The following PPP1R27 variants were observed in gnomAD, a reference collection of about 807,000 sequenced individuals.
The protein encoded by PPP1R27 is protein phosphatase 1 regulatory subunit 27, also known as dysferlin interacting protein 1.
In PPP1R27, 10 loss-of-function variants were observed where a neutral mutation model predicts 12.0. The ratio of observed to expected loss-of-function variants is 0.84; its 90% confidence interval spans 0.52 to 1.42. The LOEUF is 1.42. PPP1R27 is among the 40% of genes most tolerant of loss of function. The pLI is 0.00. For missense variants in PPP1R27, 246 were observed against 215.3 expected (o/e 1.14, Z -0.89); for synonymous variants, 98 against 89.3 (o/e 1.10, Z -0.55).
chr17:81,833,505 C>T lies in PPP1R27; in HGVS notation c.*224G>A. 1.9e-6 allele frequency: 1 copy of T among 534,002 alleles called. No homozygotes were observed. The highest frequency in any genetic ancestry group is 2.1e-5 in the South Asian group (1 of 46,818). The allele number at this position is 534,002 out of a possible 1,614,324, so 33.1% of individuals were successfully genotyped here. On this transcript the variant is annotated 3_prime_UTR_variant, in exon 3 of 3. Coordinates refer to ENST00000330261, the MANE Select transcript of PPP1R27 (RefSeq NM_001007533.4). ...CCACCACAGGGACCACGTGTGTAGA[C>T]CCAGGCCCCCTCACCTGGGAGTCAC... is the stretch of plus-strand genomic sequence containing the variant.
intron 2 of PPP1R27, 65 bp downstream of exon 2, chr17:81,834,438 C>A: frequency 6.4e-7 from 1 of 1,569,898 alleles, no homozygotes; most frequent in Non-Finnish European, 8.7e-7. Context: ...GGGCTCCCAT[C>A]CTGGGGACCC....
chr17:81,834,556 CGCCTCATCTCGCTGGTGAATGTCA>C lies in PPP1R27; in HGVS notation c.264_287del (p.Asp89_Ala96del). ...AGGCAATGTGCAGGGGTGTCCAGCC[CGCCTCATCTCGCTGGTGAATGTCA>C]GCCCCGTATTTGACCAGCAGCTTCA... On this transcript the variant is annotated inframe_deletion, in exon 2 of 3. Coordinates refer to ENST00000330261, the MANE Select transcript of PPP1R27 (RefSeq NM_001007533.4). The C allele has an allele frequency of 6.2e-7, 1 of 1,614,184 alleles. No individual in the cohort carries two copies. Among genetic ancestry groups the C allele is most frequent in the Non-Finnish European group, 8.5e-7 (1 of 1,180,024 alleles).
Position 81,834,309 on chromosome 17 carries a change from C to T in PPP1R27, c.341+194G>A, listed in dbSNP as rs1010311670. 3 of 607,370 alleles carry T rather than the reference C, an allele frequency of 4.9e-6. No individual in the cohort carries two copies. The African/African-American group carries it at 5.5e-5, about 11-fold the overall frequency. The allele number at this position is 607,370 out of a possible 1,614,324, so 37.6% of individuals were successfully genotyped here. A position where few individuals can be genotyped will look rare whatever the true frequency, so the allele number is the denominator to read the frequency against. ...AGTGAGAGGGTTCTTGTCACGAACT[C>T]CTGACCTCAGGTGATCCGCCCACCT... On this transcript the variant is annotated intron_variant, in intron 2 of 2. Transcript: ENST00000330261.
At chr17:81,833,994 A>C (rs2038578860) in intron 2 of PPP1R27, 142 bp from the exon 3 acceptor site, 1 of 913,428 alleles carries the variant, frequency 1.1e-6, no homozygotes, top group African/African-American at 1.7e-5. Flanking sequence ...GGTGAGGAGG[A>C]AGAAACCTGA....
Position 81,833,869 on chromosome 17 carries a change from G to A in PPP1R27, c.342-17C>T, listed in dbSNP as rs1409463800. Reference sequence around the variant, plus strand: ...ATAAGGTACCTGGGGTGTAAAGGTCGCTCTGGCTGAAGCGGGGAGGAGCCA... The same window carrying A: ...ATAAGGTACCTGGGGTGTAAAGGTCACTCTGGCTGAAGCGGGGAGGAGCCA... On this transcript the variant is annotated splice_polypyrimidine_tract_variant and intron_variant, in intron 2 of 2. Transcript: ENST00000330261. The A allele has an allele frequency of 6.3e-7, 1 of 1,594,490 alleles. No homozygotes were observed. Among genetic ancestry groups the A allele is most frequent in the Non-Finnish European group, 8.5e-7 (1 of 1,171,098 alleles).
chr17:81,834,958 G>A lies in PPP1R27; in HGVS notation c.-5C>T. On this transcript the variant is annotated 5_prime_UTR_variant, in exon 1 of 3. Coordinates refer to ENST00000330261, the MANE Select transcript of PPP1R27 (RefSeq NM_001007533.4). ...GCGGGCAGTTCTGCTAGGCATCTTG[G>A]GCGCTGTGGGGCAGGTTGCCCCTGG... 6.3e-7 allele frequency: 1 copy of A among 1,591,250 alleles called. No homozygotes were observed. Among genetic ancestry groups the A allele is most frequent in the Non-Finnish European group, 8.6e-7 (1 of 1,169,584 alleles).
chr17:81,834,808 A>C lies in PPP1R27; in HGVS notation c.146T>G (p.Phe49Cys). ...RQGDLEQVGR[F>C]IRTRKVSLAT... is the part of the protein sequence containing the mutation. Reference sequence around the variant, plus strand: ...CAGGGAGACTTTCCGAGTCCGGATGAAGCGCCCCACCTGCTCCAGGTCACC... The same window carrying C: ...CAGGGAGACTTTCCGAGTCCGGATGCAGCGCCCCACCTGCTCCAGGTCACC... Residue 49 changes from phenylalanine (F) to cysteine (C), a missense_variant, in exon 1 of 3, where the codon TTC becomes TGC. Phe to Cys is a radical substitution (Grantham distance 205). Transcript: ENST00000330261. 3.1e-6 allele frequency: 5 copies of C among 1,613,536 alleles called. No individual in the cohort carries two copies. Among genetic ancestry groups the C allele is most frequent in the Non-Finnish European group, 4.2e-6 (5 of 1,179,798 alleles).
chr17:81,834,286 T>C (rs1444040117), intron 2 of PPP1R27: 1 of 563,276 alleles, frequency 1.8e-6, no homozygotes. Flanking sequence ...TTTTTAGTAG[T>C]GAGAGGGTTC....
At position 81,834,543 on chromosome 17, in the gene PPP1R27, G is replaced by C; in HGVS notation, c.301C>G (p.Leu101Val). The C allele has an allele frequency of 1.2e-6, 2 of 1,614,174 alleles. No individual in the cohort carries two copies. The highest frequency in any genetic ancestry group is 1.7e-6 in the Non-Finnish European group (2 of 1,180,022). The change falls in exon 2 of 3, where the codon CTG (leucine) becomes GTG (valine). Residue 101 changes from leucine to valine, a missense_variant. By Grantham distance (32) the Leu-to-Val change is conservative. Coordinates refer to ENST00000330261, the MANE Select transcript of PPP1R27 (RefSeq NM_001007533.4). ...TACCCATCGCTGCAGGCAATGTGCA[G>C]GGGTGTCCAGCCCGCCTCATCTCGC... ...HQRDEAGWTPLHIACSDGYPD... is the reference protein window; with the variant it reads ...HQRDEAGWTPVHIACSDGYPD...
chr17:81,834,912 C>A lies in PPP1R27; in HGVS notation c.42G>T (p.Arg14=). The A allele has an allele frequency of 6.2e-7, 1 of 1,612,336 alleles. No individual in the cohort carries two copies. Among genetic ancestry groups the A allele is most frequent in the Non-Finnish European group, 8.5e-7 (1 of 1,179,590 alleles). ...RTARYARYSP[R]QRRRRMLADR... ...CAGCCAGCATCCGCCGCCGCCGCTG[C>A]CGTGGGCTGTAGCGGGCATAGCGGG... Residue 14 remains arginine (R), a synonymous_variant, in exon 1 of 3, where the codon CGG becomes CGT. Transcript: ENST00000330261.
At position 81,834,574 on chromosome 17, in the gene PPP1R27, A is replaced by C; in HGVS notation, c.270T>G (p.Ile90Met). 2 of 1,614,158 alleles carry C rather than the reference A, an allele frequency of 1.2e-6. No homozygotes were observed. Among genetic ancestry groups the C allele is most frequent in the East Asian group, 4.5e-5 (2 of 44,878 alleles). Residue 90 changes from isoleucine (I) to methionine (M), a missense_variant, in exon 2 of 3, where the codon ATT (isoleucine) becomes ATG (methionine). Transcript: ENST00000330261. ...VKLLVKYGAD[I>M]HQRDEAGWTP... ...TCCAGCCCGCCTCATCTCGCTGGTG[A>C]ATGTCAGCCCCGTATTTGACCAGCA...
rs894750229 is a variant in PPP1R27 at position 81,834,773 on chromosome 17, G to C, written c.181C>G (p.His61Asp). 1 of 1,612,190 alleles carries C rather than the reference G, an allele frequency of 6.2e-7. No homozygotes were observed. The highest frequency in any genetic ancestry group is 1.3e-5 in the African/African-American group (1 of 74,936). Reference sequence around the variant, plus strand: ...TCCAGGCTTTGCTCACCTGAGGGGTGGATGGTGGCCAGGGAGACTTTCCGA... The same window carrying C: ...TCCAGGCTTTGCTCACCTGAGGGGTCGATGGTGGCCAGGGAGACTTTCCGA... ...RTRKVSLATI[H>D]PSGLAALHEA... Residue 61 changes from histidine to aspartate, a missense_variant, in exon 1 of 3, where the codon CAC becomes GAC. His to Asp is a moderately conservative substitution (Grantham distance 81). Transcript: ENST00000330261.
At position 81,834,488 on chromosome 17, in the gene PPP1R27, C is replaced by T. The variant is rs763172074; in HGVS notation, c.341+15G>A. On this transcript the variant is annotated intron_variant, in intron 2 of 2. Coordinates refer to ENST00000330261, the MANE Select transcript of PPP1R27 (RefSeq NM_001007533.4). Reference sequence around the variant, plus strand: ...GGGTCGGGTTCAAGCCTGTGTAGACCCAGGGCCCCCTCACCTGGCTATGTC... The same window carrying T: ...GGGTCGGGTTCAAGCCTGTGTAGACTCAGGGCCCCCTCACCTGGCTATGTC... 1 of 1,613,368 alleles carries T rather than the reference C, an allele frequency of 6.2e-7. No homozygotes were observed. The highest frequency in any genetic ancestry group is 8.5e-7 in the Non-Finnish European group (1 of 1,179,876).
chr17:81,833,972 A>G, intron 2 of PPP1R27, 120 bp from the exon 3 acceptor site: 1 of 1,181,190 alleles, frequency 8.5e-7, no homozygotes, highest in Non-Finnish European at 1.2e-6. Context: ...TGGGGTCCTA[A>G]GGTCCGGGTA....
At chr17:81,834,479 T>A (rs776515800) in intron 2 of PPP1R27, 24 bp downstream of exon 2, 1 of 1,612,580 alleles carries the variant, frequency 6.2e-7, no homozygotes, top group South Asian at 1.1e-5. Context: ...GGTTCAAGCC[T>A]GTGTAGACCC....
rs924728938 is a variant in PPP1R27 at position 81,833,868 on chromosome 17, C to G, written c.342-16G>C. 1 of 1,594,848 alleles carries G rather than the reference C, an allele frequency of 6.3e-7. No homozygotes were observed. On this transcript the variant is annotated splice_polypyrimidine_tract_variant and intron_variant, in intron 2 of 2. Transcript: ENST00000330261. Reference sequence around the variant, plus strand: ...GATAAGGTACCTGGGGTGTAAAGGTCGCTCTGGCTGAAGCGGGGAGGAGCC... The same window carrying G: ...GATAAGGTACCTGGGGTGTAAAGGTGGCTCTGGCTGAAGCGGGGAGGAGCC...
In PPP1R27 at chr17:81,834,493, G is replaced by A. The variant is rs2038586405; in HGVS notation, c.341+10C>T. On this transcript the variant is annotated intron_variant, in intron 2 of 2. Coordinates refer to ENST00000330261, the MANE Select transcript of PPP1R27 (RefSeq NM_001007533.4). ...GGGTTCAAGCCTGTGTAGACCCAGGGCCCCCTCACCTGGCTATGTCAGGGT... is the reference window on the plus strand; with the variant it reads ...GGGTTCAAGCCTGTGTAGACCCAGGACCCCCTCACCTGGCTATGTCAGGGT... 2 of 1,613,350 alleles carry A rather than the reference G, an allele frequency of 1.2e-6. No individual in the cohort carries two copies. The highest frequency in any genetic ancestry group is 1.7e-6 in the Non-Finnish European group (2 of 1,179,906).
rs768598158 is a variant in PPP1R27 at position 81,834,638 on chromosome 17, T to A, written c.206A>T (p.His69Leu). 2 of 1,614,130 alleles carry A rather than the reference T, an allele frequency of 1.2e-6. No individual in the cohort carries two copies. Among genetic ancestry groups the A allele is most frequent in the South Asian group, 2.2e-5 (2 of 91,092 alleles). Reference protein sequence around the residue: ...TIHPSGLAALHEAVLSGNLEC... With the variant: ...TIHPSGLAALLEAVLSGNLEC... Reference sequence around the variant, plus strand: ...CAGGTTTCCAGAGAGCACGGCTTCATGCAAGGCGGCCAGGCCTGGGCAGGG... The same window carrying A: ...CAGGTTTCCAGAGAGCACGGCTTCAAGCAAGGCGGCCAGGCCTGGGCAGGG... Residue 69 changes from histidine to leucine, a missense_variant, in exon 2 of 3, where the codon CAT (histidine) becomes CTT (leucine). His to Leu is a moderately conservative substitution (Grantham distance 99). Transcript: ENST00000330261.
At position 81,833,563 on chromosome 17, in the gene PPP1R27, A is replaced by G; in HGVS notation, c.*166T>C. 2.9e-6 allele frequency: 2 copies of G among 682,362 alleles called. No individual in the cohort carries two copies. The highest frequency in any genetic ancestry group is 4.8e-6 in the Non-Finnish European group (2 of 420,958). The allele number at this position is 682,362 out of a possible 1,614,324, so 42.3% of individuals were successfully genotyped here. Reference sequence around the variant, plus strand: ...GAAAAAGTAAAAAGTGTCACAGTAAAAAATTCACCTGGGGACAAAGCCAGG... The same window carrying G: ...GAAAAAGTAAAAAGTGTCACAGTAAGAAATTCACCTGGGGACAAAGCCAGG... On this transcript the variant is annotated 3_prime_UTR_variant, in exon 3 of 3. Transcript: ENST00000330261.
Sources: gnomAD v4.1 joint callset for allele counts on GRCh38, gnomAD v4.1.1 for gene constraint, MANE v1.5 for transcripts, NCBI Gene and HGNC (gene_info 2026-07-23, HGNC 2026-07-21) for gene names.